The following SORT1 variants were observed in gnomAD, a reference collection of about 807,000 sequenced individuals.
The protein encoded by SORT1 is sortilin.
SORT1 carries 39 observed loss-of-function variants against 101.7 expected under a neutral mutation model. That is an observed-to-expected ratio of 0.38 (90% CI 0.30 to 0.50). SORT1 has a LOEUF of 0.50. Ranked by LOEUF, SORT1 falls within the 20% of genes least tolerant of loss-of-function variation. The pLI is 0.90. For synonymous variants in SORT1, 396 were observed against 393.7 expected (o/e 1.01, Z -0.07); for missense variants, 878 against 1,040.4 (o/e 0.84, Z 2.15).
At chr1:109,349,419 G>A (rs1183839568) in intron 6 of SORT1, among the ~76,000 whole-genome samples, 1 of 152,050 alleles carries the variant, frequency 6.6e-6, no homozygotes, top group South Asian at 2.1e-4. Context: ...TACATAAAAC[G>A]AAAGCAAATG....
At chr1:109,352,783 A>G (rs944083301) in intron 5 of SORT1, among the ~76,000 whole-genome samples, 6 of 152,208 alleles carry the variant, frequency 3.9e-5, no homozygotes, top group Admixed American at 3.9e-4. Context: ...CCTTAAATGG[A>G]AGAAATTTCA....
chr1:109,354,525 A>C lies in SORT1; in HGVS notation c.550T>G (p.Leu184Val), dbSNP rs201636476. ...IGPENSGKVV[L>V]TAEVSGGSRG... is the part of the protein sequence containing the mutation. ...CTTCCTCCAGACACCTCTGCTGTTA[A>C]CACCACCTGATAGGAAGAGGAAAGA... The change falls in exon 5 of 20, where the codon TTA becomes GTA. Residue 184 changes from leucine to valine, a missense_variant. Around this residue, in one of 2 missense-constraint regions of SORT1, gnomAD observed 684 missense variants for 894.5 expected, o/e 0.76. Transcript: ENST00000256637. The C allele has an allele frequency of 6.0e-5, 96 of 1,611,878 alleles. No homozygotes were observed. The highest frequency in any genetic ancestry group is 3.8e-5 in the Non-Finnish European group (45 of 1,178,484).
rs565712813 is a variant in SORT1, at chr1:109,310,178, C to A, written c.*3865G>T. The A allele has an allele frequency of 8.5e-5, 13 of 152,702 alleles. No homozygotes were observed. Among genetic ancestry groups the A allele is most frequent in the African/African-American group, 3.1e-4 (13 of 41,538 alleles). The allele number at this position is 152,702 out of a possible 1,614,324, so 9.5% of individuals were successfully genotyped here. Reference sequence around the variant, plus strand: ...TTATATATGTATATATGTACACACACATATATATAAAGGTACAGATTAGTT... The same window carrying A: ...TTATATATGTATATATGTACACACAAATATATATAAAGGTACAGATTAGTT... On this transcript the variant is annotated 3_prime_UTR_variant, in exon 20 of 20. Transcript: ENST00000256637.
At chr1:109,380,231 T>C (rs1378242180) in intron 1 of SORT1, among the ~76,000 whole-genome samples, 2 of 151,982 alleles carry the variant, frequency 1.3e-5, no homozygotes, top group Non-Finnish European at 2.9e-5. Flanking sequence ...AGTTCGAGGC[T>C]GTAGTGATCT....
rs751741104 is a variant in SORT1 at position 109,342,166 on chromosome 1, A to G, written c.964-8T>C. The stretch of plus-strand genomic sequence containing the variant: ...GATCCTTCTTGTTGTATCCTAGAAC[A>G]GATGTCAATATTTATCTTTCTAATT... On this transcript the variant is annotated splice_region_variant and splice_polypyrimidine_tract_variant and intron_variant, in intron 8 of 19. Transcript: ENST00000256637. 1 of 1,600,058 alleles carries G rather than the reference A, an allele frequency of 6.2e-7. No homozygotes were observed. Among genetic ancestry groups the G allele is most frequent in the Admixed American group, 1.7e-5 (1 of 58,594 alleles).
rs778928758 is a variant in SORT1 at position 109,323,020 on chromosome 1, G to A, written c.1936C>T (p.Arg646Cys). 8 of 1,613,740 alleles carry A rather than the reference G, an allele frequency of 5.0e-6. No homozygotes were observed. Among genetic ancestry groups the A allele is most frequent in the Non-Finnish European group, 6.8e-6 (8 of 1,179,988 alleles). Residue 646 changes from arginine (R) to cysteine (C), a missense_variant, in exon 15 of 20, where the codon CGC becomes TGC. Physicochemically the swap from Arg to Cys is radical, Grantham distance 180 (BLOSUM62 -3). Transcript: ENST00000256637. ...CCATTCTGACACACGGATGACTTGC[G>A]TAGCCGCAGAAACTGTTCTTTGTAG... ...LGYKEQFLRL[R>C]KSSVCQNGRD...
intron 11 of SORT1, among the ~76,000 whole-genome samples, chr1:109,335,742 A>C (rs1435081938): frequency 2.6e-5 from 4 of 151,948 alleles, no homozygotes; most frequent in Non-Finnish European, 5.9e-5. Flanking sequence ...TCCGGTTCCC[A>C]AACTCTCTGC....
chr1:109,365,333 C>T (rs931856672), intron 3 of SORT1, among the ~76,000 whole-genome samples: 6 of 152,172 alleles, frequency 3.9e-5, no homozygotes, highest in African/African-American at 1.2e-4. Flanking sequence ...AGAGATGCTC[C>T]TACCTCAGTC....
intron 1 of SORT1, among the ~76,000 whole-genome samples, chr1:109,388,983 C>T (rs981137769): frequency 6.6e-6 from 1 of 152,198 alleles, no homozygotes; most frequent in Non-Finnish European, 1.5e-5. Flanking sequence ...TTCTGCCAAT[C>T]TTGACTCACT....
At chr1:109,354,304 TA>T in intron 5 of SORT1, 62 bp downstream of exon 5, 2 of 1,278,516 alleles carry the variant, frequency 1.6e-6, no homozygotes, top group Non-Finnish European at 1.1e-6. Flanking sequence ...AGGATCCTTC[TA>T]AGACAGTACA....
rs982843313 is a variant in SORT1, at chr1:109,325,559, G to A, written c.1644-470C>T. Among the ~76,000 whole-genome samples the A allele has an allele frequency of 6.6e-5, 10 of 152,130 alleles. No individual in the cohort carries two copies. In the East Asian group the frequency reaches 9.7e-4, roughly 15 times the overall value. The stretch of plus-strand genomic sequence containing the variant: ...CCAGCCAACTATTTTAACTTTTAAC[G>A]TCTGTAGTTAACAGGATAAGGAAGA... On this transcript the variant is annotated intron_variant, in intron 13 of 19. Coordinates refer to ENST00000256637, the MANE Select transcript of SORT1 (RefSeq NM_002959.7).
In SORT1 at chr1:109,397,634, C is replaced by T; in HGVS notation, c.259G>A (p.Gly87Ser). ...TTGGCGACGAAGTCCCGGACCCGGC[C>T]GCACTCCTCGTCCTCGCCCGGCGCG... is the stretch of plus-strand genomic sequence containing the variant. ...RSAPGEDEEC[G>S]RVRDFVAKLA... Residue 87 changes from glycine (G) to serine (S), a missense_variant, in exon 1 of 20, where the codon GGC becomes AGC. Physicochemically the swap from Gly to Ser is moderately conservative, Grantham distance 56. Transcript: ENST00000256637. 7.8e-7 allele frequency: 1 copy of T among 1,276,962 alleles called. No individual in the cohort carries two copies. The highest frequency in any genetic ancestry group is 3.2e-4 in the Middle Eastern group (1 of 3,164). 79.1% of individuals were successfully genotyped at this position (1,276,962 alleles called of 1,614,324 possible).
At chr1:109,317,782 GGA>G (rs1380017167) in intron 16 of SORT1, 69 bp downstream of exon 16, 3 of 1,033,756 alleles carry the variant, frequency 2.9e-6, no homozygotes, top group Non-Finnish European at 4.5e-6. Context: ...ATCTCAGTGT[GGA>G]GAGAAGCAGC....
At chr1:109,324,425 C>T (rs1052980637) in intron 14 of SORT1, among the ~76,000 whole-genome samples, 22 of 152,014 alleles carry the variant, frequency 1.4e-4, no homozygotes, top group East Asian at 3.9e-4. Flanking sequence ...CATGAGCCAC[C>T]GCGCCTGGCC....
chr1:109,319,813 G>A (rs1485380102), intron 15 of SORT1, among the ~76,000 whole-genome samples: 1 of 151,710 alleles, frequency 6.6e-6, no homozygotes, highest in Non-Finnish European at 1.5e-5. Flanking sequence ...GTTGCAGTGA[G>A]CTGAGATCGC....
intron 4 of SORT1, 55 bp downstream of exon 4, chr1:109,355,312 C>T: frequency 2.3e-6 from 2 of 861,662 alleles, no homozygotes; most frequent in East Asian, 4.8e-5. Flanking sequence ...TAATATCTGA[C>T]AGCTCTGCAT....
intron 7 of SORT1, among the ~76,000 whole-genome samples, 168 bp from the exon 8 acceptor site, chr1:109,346,049 T>A (rs1228067507): frequency 6.6e-6 from 1 of 152,080 alleles, no homozygotes; most frequent in African/African-American, 2.4e-5. Flanking sequence ...CAGTGGCTCA[T>A]GCCTGTAATC....
chr1:109,371,495 GAA>G (rs1194965572), intron 1 of SORT1, among the ~76,000 whole-genome samples: 1 of 152,168 alleles, frequency 6.6e-6, no homozygotes, highest in Non-Finnish European at 1.5e-5. Flanking sequence ...TAAGAGAAAA[GAA>G]AAAGTCCATC....
rs1036693982 is a variant in SORT1 at position 109,316,970 on chromosome 1, A to G, written c.2142-12T>C. 1.3e-6 allele frequency: 2 copies of G among 1,536,392 alleles called. No individual in the cohort carries two copies. Among genetic ancestry groups the G allele is most frequent in the African/African-American group, 2.8e-5 (2 of 72,524 alleles). On this transcript the variant is annotated splice_polypyrimidine_tract_variant and intron_variant, in intron 16 of 19. Transcript: ENST00000256637. ...GAATTTTCCGGTACCTACCAGGCAA[A>G]GAAGATTTGGTAACAGAAGATAAGG...
Sources: allele counts gnomAD v4.1 joint callset (sites outside exome capture counted in the v4.1 genomes callset), GRCh38; gene constraint gnomAD v4.1.1; regional missense constraint gnomAD v4.1.1; transcripts MANE v1.5; gene names NCBI Gene and HGNC (gene_info 2026-07-23, HGNC 2026-07-21).